The following COL8A1 variants were observed in gnomAD, a reference collection of about 807,000 sequenced individuals.
COL8A1 encodes collagen type VIII alpha 1 chain.
COL8A1 carries 21 observed loss-of-function variants against 42.7 expected under a neutral mutation model. The observed-to-expected ratio is 0.49, with a 90% CI of 0.35 to 0.71. The LOEUF (loss-of-function observed/expected upper bound fraction) is 0.71. Among genes scored for constraint, COL8A1 ranks in the 30% least tolerant of loss-of-function variants. The pLI is 0.01. For synonymous variants in COL8A1, 367 were observed against 369.1 expected (o/e 0.99, Z 0.06); for missense variants, 788 against 962.4 (o/e 0.82, Z 2.40).
At chr3:99,680,748 G>T (rs28848318) in intron 1 of COL8A1, among the ~76,000 whole-genome samples, 1 of 152,078 alleles carries the variant, frequency 6.6e-6, no homozygotes, top group Non-Finnish European at 1.5e-5. Context: ...ATACTATAAG[G>T]CTCCAGTAAC....
At chr3:99,720,999 A>G (rs1307144750) in intron 1 of COL8A1, among the ~76,000 whole-genome samples, 1 of 152,028 alleles carries the variant, frequency 6.6e-6, no homozygotes, top group Non-Finnish European at 1.5e-5. Flanking sequence ...GAATGGGCCA[A>G]AGAAGACAGG....
chr3:99,726,488 T>A (rs1368428711), intron 1 of COL8A1, among the ~76,000 whole-genome samples: 2 of 151,660 alleles, frequency 1.3e-5, no homozygotes, highest in African/African-American at 4.8e-5. Context: ...TCCTTGCCCA[T>A]GCCTATGTCC....
chr3:99,678,170 A>G (rs1352153151), intron 1 of COL8A1: 2 of 152,082 alleles, frequency 1.3e-5, no homozygotes, highest in African/African-American at 2.4e-5. Context: ...ACAAATTACC[A>G]TCTTCCTTGC....
At chr3:99,717,368 C>A (rs960402308) in intron 1 of COL8A1, among the ~76,000 whole-genome samples, 1 of 151,988 alleles carries the variant, frequency 6.6e-6, no homozygotes, top group Non-Finnish European at 1.5e-5. Context: ...GCCTTAAAAT[C>A]TTTGATCTGA....
chr3:99,676,700 A>T (rs115473780), intron 1 of COL8A1, among the ~76,000 whole-genome samples: 15,130 of 152,134 alleles, frequency 0.099, 867 homozygotes, highest in Non-Finnish European at 0.14. Flanking sequence ...TAGAGGTCCT[A>T]TTGTGTGTAT....
chr3:99,686,554 A>G (rs1467901909), intron 1 of COL8A1, among the ~76,000 whole-genome samples: 1 of 152,214 alleles, frequency 6.6e-6, no homozygotes, highest in African/African-American at 2.4e-5. Flanking sequence ...CCAGAGGCAA[A>G]GGAATACAGT....
In COL8A1 at chr3:99,794,335, T is replaced by G; in HGVS notation, c.434T>G (p.Ile145Ser). The change falls in exon 4 of 4, where the codon ATT becomes AGT. Residue 145 changes from isoleucine to serine, a missense_variant. Coordinates refer to ENST00000652472, the MANE Select transcript of COL8A1 (RefSeq NM_020351.4). The surrounding 1 kb of genome is among the most constrained non-coding windows in gnomAD (Gnocchi z 4.3). ...PGLPGHGIPGIKGKPGPQGYP... is the reference protein window; with the variant it reads ...PGLPGHGIPGSKGKPGPQGYP... ...TTGCCAGGTCATGGGATACCTGGAA[T>G]TAAAGGAAAACCAGGGCCACAGGGA... 1.2e-6 allele frequency: 2 copies of G among 1,613,516 alleles called. No homozygotes were observed. The highest frequency in any genetic ancestry group is 1.7e-6 in the Non-Finnish European group (2 of 1,179,832).
intron 2 of COL8A1, among the ~76,000 whole-genome samples, chr3:99,757,172 T>C (rs1460866065): frequency 6.6e-6 from 1 of 152,170 alleles, no homozygotes; most frequent in African/African-American, 2.4e-5. Context: ...CTTGAATAAA[T>C]TGCTGAATTT....
chr3:99,755,994 G>T (rs900516826), intron 2 of COL8A1, among the ~76,000 whole-genome samples: 8 of 152,010 alleles, frequency 5.3e-5, no homozygotes, highest in Admixed American at 2.0e-4. Context: ...CTCCGCACAT[G>T]AATGGAGACA....
At chr3:99,669,857 G>C (rs796792957) in intron 1 of COL8A1, among the ~76,000 whole-genome samples, 3 of 152,010 alleles carry the variant, frequency 2.0e-5, no homozygotes, top group Non-Finnish European at 2.9e-5. Context: ...TGCTCTTTGA[G>C]GGGTGGGCTT....
intron 2 of COL8A1, among the ~76,000 whole-genome samples, chr3:99,747,985 A>G (rs1477161043): frequency 2.0e-5 from 3 of 152,196 alleles, no homozygotes; most frequent in Admixed American, 6.5e-5. Context: ...ACAACAAAAG[A>G]GCTAATAATG....
chr3:99,761,355 T>C (rs1240957849), intron 2 of COL8A1, among the ~76,000 whole-genome samples: 1 of 152,066 alleles, frequency 6.6e-6, no homozygotes, highest in African/African-American at 2.4e-5. Context: ...GAAACTGAGG[T>C]TTATGGTGAT....
At chr3:99,697,266 G>T (rs1305672213) in intron 1 of COL8A1, among the ~76,000 whole-genome samples, 2 of 152,088 alleles carry the variant, frequency 1.3e-5, no homozygotes, top group South Asian at 4.1e-4. Flanking sequence ...GATTACAGGC[G>T]TGAGCCACCG....
chr3:99,771,901 T>C (rs1019437182), intron 2 of COL8A1, among the ~76,000 whole-genome samples: 1 of 152,174 alleles, frequency 6.6e-6, no homozygotes, highest in Non-Finnish European at 1.5e-5. Flanking sequence ...CCATCACAAA[T>C]TCCTCCTTGG....
intron 1 of COL8A1, among the ~76,000 whole-genome samples, chr3:99,646,436 G>C (rs62281826): frequency 5.3e-5 from 8 of 151,930 alleles, no homozygotes; most frequent in South Asian, 2.1e-4. Context: ...GTCACTGATC[G>C]TCTCTGTGCC....
intron 1 of COL8A1, among the ~76,000 whole-genome samples, chr3:99,684,512 A>C (rs1433207796): frequency 6.6e-6 from 1 of 152,222 alleles, no homozygotes; most frequent in Non-Finnish European, 1.5e-5. Flanking sequence ...AGGCATATTG[A>C]ATGAGCAATT....
Position 99,790,823 on chromosome 3 carries a change from AAT to A in COL8A1, c.142_143del (p.Ile48SerfsTer98). The stretch of plus-strand genomic sequence containing the variant: ...AAATTCCTCCTCAGATGCCACCACA[AAT>A]TCCACAATACCAGCCCCTGGGTCAG... ...PQIPPQMPPQ[I>X]PQYQPLGQQV... On this transcript the variant is annotated frameshift_variant, in exon 3 of 4. Coordinates refer to ENST00000652472, the MANE Select transcript of COL8A1 (RefSeq NM_020351.4). LOFTEE classifies it high-confidence loss of function. 6.2e-7 allele frequency: 1 copy of A among 1,614,228 alleles called. No individual in the cohort carries two copies. The highest frequency in any genetic ancestry group is 1.1e-5 in the South Asian group (1 of 91,070).
Position 99,790,717 on chromosome 3 carries a change from G to C in COL8A1, c.35G>C (p.Gly12Ala). 1.2e-6 allele frequency: 2 copies of C among 1,614,144 alleles called. No homozygotes were observed. Among genetic ancestry groups the C allele is most frequent in the Non-Finnish European group, 1.7e-6 (2 of 1,180,036 alleles). Residue 12 changes from glycine to alanine, a missense_variant, in exon 3 of 4, where the codon GGA (glycine) becomes GCA (alanine). Around this residue, in one of 4 missense-constraint regions of COL8A1, gnomAD observed 421 missense variants for 553.1 expected, o/e 0.76. Coordinates refer to ENST00000652472, the MANE Select transcript of COL8A1 (RefSeq NM_020351.4). ...CTGCCTGGCCCTCTGCAGCTGCTGG[G>C]AGTGCTGCTTACCATTTCCCTGAGT... Reference protein sequence around the residue: ...AVLPGPLQLLGVLLTISLSSI... With the variant: ...AVLPGPLQLLAVLLTISLSSI...
At chr3:99,774,775 T>A (rs1941659805) in intron 2 of COL8A1, among the ~76,000 whole-genome samples, 1 of 152,220 alleles carries the variant, frequency 6.6e-6, no homozygotes, top group Admixed American at 6.5e-5. Context: ...AGCCTCATTC[T>A]CCACTCATTA....
Sources: gnomAD v4.1 joint callset for allele counts (sites outside exome capture counted in the v4.1 genomes callset) on GRCh38, gnomAD v4.1.1 for gene constraint, gnomAD v4.1.1 regional missense constraint, Gnocchi (gnomAD v3.1) non-coding constraint, MANE v1.5 for transcripts, NCBI Gene and HGNC (gene_info 2026-07-23, HGNC 2026-07-21) for gene names.